Variants in RNF2 observed in about 807,000 individuals in gnomAD.
RNF2 encodes ring finger protein 2, also known as E3 ubiquitin-protein ligase RING2.
A neutral mutation model predicts 37.2 loss-of-function variants in RNF2; 6 were observed. The observed-to-expected ratio is 0.16, with a 90% CI of 0.09 to 0.32. The LOEUF (loss-of-function observed/expected upper bound fraction) is 0.32. Ranked by LOEUF, RNF2 falls within the 10% of genes least tolerant of loss-of-function variation. The pLI is 1.00. For synonymous variants in RNF2, 133 were observed against 132.7 expected (o/e 1.00, Z -0.02); for missense variants, 251 against 404.0 (o/e 0.62, Z 3.25).
intron 2 of RNF2, among the ~76,000 whole-genome samples, chr1:185,090,657 C>T (rs987462388): frequency 6.6e-6 from 1 of 152,094 alleles, no homozygotes; most frequent in African/African-American, 2.4e-5. Flanking sequence ...AGCACGGGAG[C>T]GTATTGAAAG....
At chr1:185,057,763 C>T (rs1650476596) in intron 1 of RNF2, among the ~76,000 whole-genome samples, 1 of 151,324 alleles carries the variant, frequency 6.6e-6, no homozygotes, top group Non-Finnish European at 1.5e-5. Context: ...GTTTCGTATC[C>T]TTGGATTCAA....
chr1:185,087,729 GTAA>G, intron 2 of RNF2, 89 bp downstream of exon 2: 1 of 916,784 alleles, frequency 1.1e-6, no homozygotes, highest in Non-Finnish European at 1.8e-6. Flanking sequence ...AGAACATAGA[GTAA>G]TAATAAATTT....
intron 1 of RNF2, among the ~76,000 whole-genome samples, chr1:185,064,711 G>A (rs1650748405): frequency 6.6e-6 from 1 of 152,162 alleles, no homozygotes; most frequent in Non-Finnish European, 1.5e-5. Context: ...TCAAATCCAT[G>A]AACATGGGAT....
chr1:185,099,467 G>C (rs1652013902), intron 5 of RNF2, among the ~76,000 whole-genome samples: 1 of 152,128 alleles, frequency 6.6e-6, no homozygotes, highest in African/African-American at 2.4e-5. Context: ...TTAGGGTTTG[G>C]GGGGTATGTT....
rs550719691 is a variant in RNF2 at position 185,063,370 on chromosome 1, T to C, written c.-3+17721T>C. On this transcript the variant is annotated intron_variant, in intron 1 of 6. Coordinates refer to ENST00000367510, the MANE Select transcript of RNF2 (RefSeq NM_007212.4). ...CCTTGGTATCAGAATTGTTTAAAAT[T>C]TCATCCAGATGAAAGATGATTCCTT... Among the ~76,000 whole-genome samples, 4 of 152,330 alleles carry C rather than the reference T, an allele frequency of 2.6e-5. 1 individual carries two copies. In the East Asian group the frequency reaches 7.7e-4, roughly 29 times the overall value.
intron 1 of RNF2, among the ~76,000 whole-genome samples, chr1:185,057,852 T>TAA (rs1650480986): frequency 6.6e-6 from 1 of 151,940 alleles, no homozygotes; most frequent in African/African-American, 2.4e-5. Context: ...TACAAATTTT[T>TAA]GGCCAGGCAA....
rs1652094840 is a variant in RNF2 at position 185,102,091 on chromosome 1, TA to T, written c.*1791del. On this transcript the variant is annotated 3_prime_UTR_variant, in exon 7 of 7. Transcript: ENST00000367510. ...GAAATTTTGTCTTTAAGCAGAGAGT[TA>T]TTTGTGACTATAAGCTTTGTGCTTA... The T allele has an allele frequency of 6.6e-6, 1 of 152,536 alleles. No homozygotes were observed. The highest frequency in any genetic ancestry group is 1.5e-5 in the Non-Finnish European group (1 of 68,012). 9.4% of individuals were successfully genotyped at this position (152,536 alleles called of 1,614,324 possible). A position where few individuals can be genotyped will look rare whatever the true frequency, so the allele number is the denominator to read the frequency against.
At position 185,098,383 on chromosome 1, in the gene RNF2, A is replaced by G. The variant is rs368038035; in HGVS notation, c.737+39A>G. 78 of 1,596,226 alleles carry G rather than the reference A, an allele frequency of 4.9e-5. No individual in the cohort carries two copies. The African/African-American group carries it at 9.3e-4, about 19-fold the overall frequency. On this transcript the variant is annotated intron_variant, in intron 5 of 6. Coordinates refer to ENST00000367510, the MANE Select transcript of RNF2 (RefSeq NM_007212.4). ...TTAGTTTCAGATTATCTAAATTCAGAATGTTTAATTTGGAGGTAAAAGGCA... is the reference window on the plus strand; with the variant it reads ...TTAGTTTCAGATTATCTAAATTCAGGATGTTTAATTTGGAGGTAAAAGGCA...
intron 1 of RNF2, among the ~76,000 whole-genome samples, chr1:185,057,699 T>G (rs1650474458): frequency 1.3e-5 from 2 of 152,026 alleles, no homozygotes; most frequent in African/African-American, 2.4e-5. Flanking sequence ...TTCTTGACCT[T>G]CAGTCCAGGA....
In RNF2 at chr1:185,089,583, A is replaced by G. The variant is rs568111439; in HGVS notation, c.87+1943A>G. On this transcript the variant is annotated intron_variant, in intron 2 of 6. Coordinates refer to ENST00000367510, the MANE Select transcript of RNF2 (RefSeq NM_007212.4). ...GTTCATGTGATGAATCAAGGATATG[A>G]TAATTATATATATATGGCCCAGTAA... is the stretch of plus-strand genomic sequence containing the variant. 1.1e-4 allele frequency among the ~76,000 whole-genome samples: 17 copies of G among 152,248 alleles called. 1 individual carries two copies. Among genetic ancestry groups the G allele is most frequent in the East Asian group, 3.9e-4 (2 of 5,186 alleles).
chr1:185,080,807 T>C (rs1651322786), intron 1 of RNF2, among the ~76,000 whole-genome samples: 1 of 152,252 alleles, frequency 6.6e-6, no homozygotes, highest in Non-Finnish European at 1.5e-5. Flanking sequence ...ATGTGCAAGA[T>C]AACTAATATC....
chr1:185,093,667 G>A (rs1466686001), intron 4 of RNF2, among the ~76,000 whole-genome samples: 3 of 152,010 alleles, frequency 2.0e-5, no homozygotes, highest in Middle Eastern at 3.2e-3. Flanking sequence ...CTCAGACCTC[G>A]CGTTACTTAG....
In RNF2 at chr1:185,100,305, T is replaced by G. The variant is rs376237385; in HGVS notation, c.*4T>G. Reference sequence around the variant, plus strand: ...ACCTACAAAGGAGCACAAATGAGCCTTTAAAAACCAATTCTGAGACTGAAC... The same window carrying G: ...ACCTACAAAGGAGCACAAATGAGCCGTTAAAAACCAATTCTGAGACTGAAC... On this transcript the variant is annotated 3_prime_UTR_variant, in exon 7 of 7. Transcript: ENST00000367510. 1 of 1,590,180 alleles carries G rather than the reference T, an allele frequency of 6.3e-7. No homozygotes were observed. Among genetic ancestry groups the G allele is most frequent in the Non-Finnish European group, 8.5e-7 (1 of 1,169,704 alleles).
rs371994065 is a variant in RNF2 at position 185,084,559 on chromosome 1, A to G, written c.-2-2993A>G. ...GGGATGCTGTTTTCAAGTCAGTTTT[A>G]TTTTGAGACCTTGGCATGCTGGTCA... On this transcript the variant is annotated intron_variant, in intron 1 of 6. Coordinates refer to ENST00000367510, the MANE Select transcript of RNF2 (RefSeq NM_007212.4). Among the ~76,000 whole-genome samples, 86 of 152,216 alleles carry G rather than the reference A, an allele frequency of 5.6e-4. 2 individuals are homozygous for G. The South Asian group carries it at 0.017, about 30-fold the overall frequency.
intron 1 of RNF2, among the ~76,000 whole-genome samples, chr1:185,056,215 G>T (rs1163401042): frequency 6.6e-6 from 1 of 151,974 alleles, no homozygotes; most frequent in Non-Finnish European, 1.5e-5. Context: ...GTATAGTGTA[G>T]ATAACATTAT....
chr1:185,095,264 A>C (rs1374392589), intron 4 of RNF2, among the ~76,000 whole-genome samples: 1 of 152,158 alleles, frequency 6.6e-6, no homozygotes, highest in African/African-American at 2.4e-5. Context: ...GTACATTTCT[A>C]GTGGTGGGGC....
At chr1:185,090,209 C>T (rs796674692) in intron 2 of RNF2, among the ~76,000 whole-genome samples, 15 of 152,162 alleles carry the variant, frequency 9.9e-5, no homozygotes, top group African/African-American at 2.7e-4. Context: ...TGTGAGCCAT[C>T]GTGCCTGGCC....
At chr1:185,099,059 T>TA (rs1178266721) in intron 5 of RNF2, among the ~76,000 whole-genome samples, 2 of 150,582 alleles carry the variant, frequency 1.3e-5, no homozygotes, top group Non-Finnish European at 3.0e-5. Flanking sequence ...CTCTTTTTTT[T>TA]TTTTTTTTTG....
chr1:185,076,312 A>G (rs1183087706), intron 1 of RNF2, among the ~76,000 whole-genome samples: 24 of 25,192 alleles, frequency 9.5e-4, no homozygotes, highest in Non-Finnish European at 1.7e-3. Context: ...TTTTTTTGAG[A>G]CAGAGTCTCA....
Sources: gnomAD v4.1 joint callset for allele counts (sites outside exome capture counted in the v4.1 genomes callset) on GRCh38, gnomAD v4.1.1 for gene constraint, MANE v1.5 for transcripts, NCBI Gene and HGNC (gene_info 2026-07-23, HGNC 2026-07-21) for gene names.